RPF2: variants seen among roughly 807,000 people sequenced by gnomAD.
RPF2 encodes ribosome production factor 2 homolog.
In RPF2, 21 loss-of-function variants were observed where a neutral mutation model predicts 38.9. The observed-to-expected ratio is 0.54, with a 90% CI of 0.38 to 0.78. The LOEUF is 0.78. RPF2 is among the 30% of genes least tolerant of loss of function. The pLI, the probability that RPF2 is intolerant of heterozygous loss-of-function variation, is 0.00. For synonymous variants in RPF2, 121 were observed against 126.2 expected (o/e 0.96, Z 0.28); for missense variants, 314 against 358.1 (o/e 0.88, Z 0.99).
intron 1 of RPF2, among the ~76,000 whole-genome samples, chr6:110,983,968 G>A (rs1248366472): frequency 1.3e-5 from 2 of 152,136 alleles, no homozygotes; most frequent in African/African-American, 4.8e-5. Flanking sequence ...GACGGAGCTT[G>A]CAGTGAGCCG....
At chr6:111,024,636 C>A (rs1370703455) in intron 9 of RPF2, among the ~76,000 whole-genome samples, 1 of 147,326 alleles carries the variant, frequency 6.8e-6, no homozygotes, top group African/African-American at 2.5e-5. Flanking sequence ...TGGCGTGAAC[C>A]GGGGAGGTGG....
At chr6:111,010,117 T>A (rs1227741435) in intron 7 of RPF2, among the ~76,000 whole-genome samples, 1 of 149,930 alleles carries the variant, frequency 6.7e-6, no homozygotes, top group Non-Finnish European at 1.5e-5. Flanking sequence ...TCCCTCAATT[T>A]TTTTTTTTTT....
chr6:110,994,999 G>T (rs1771687981), intron 4 of RPF2, among the ~76,000 whole-genome samples: 1 of 151,908 alleles, frequency 6.6e-6, no homozygotes, highest in African/African-American at 2.4e-5. Flanking sequence ...CCACCTCCCG[G>T]GTTCAAGCGA....
intron 6 of RPF2, among the ~76,000 whole-genome samples, chr6:111,001,197 C>T (rs1240041819): frequency 1.3e-5 from 2 of 152,126 alleles, no homozygotes; most frequent in African/African-American, 4.8e-5. Context: ...TGTGACCTGA[C>T]AAGTCAATGG....
chr6:111,009,802 T>C (rs1771981328), intron 7 of RPF2, among the ~76,000 whole-genome samples: 1 of 151,998 alleles, frequency 6.6e-6, no homozygotes. Context: ...GCCTCCTAAG[T>C]AGCTGGGACC....
At chr6:110,988,547 C>T (rs963961302) in intron 2 of RPF2, among the ~76,000 whole-genome samples, 8 of 151,994 alleles carry the variant, frequency 5.3e-5, no homozygotes, top group African/African-American at 9.7e-5. Flanking sequence ...GTGATCCTCC[C>T]GCCTTAGCCT....
At chr6:110,991,141 T>A (rs1771612382) in intron 3 of RPF2, among the ~76,000 whole-genome samples, 1 of 152,132 alleles carries the variant, frequency 6.6e-6, no homozygotes, top group African/African-American at 2.4e-5. Context: ...ATCCTTTTTT[T>A]AAAAAATGCT....
chr6:110,985,303 C>T (rs2114286967), intron 2 of RPF2, among the ~76,000 whole-genome samples, 165 bp downstream of exon 2: 1 of 152,224 alleles, frequency 6.6e-6, no homozygotes, highest in South Asian at 2.1e-4. Context: ...TTGCGTGGCA[C>T]CTTTTCTTAA....
rs1305927687 is a variant in RPF2, at chr6:111,015,815, C to T, written c.555C>T (p.His185=). ...IRLAGLEYVL[H]FTALNGKIYF... is the part of the protein sequence containing the mutation. The stretch of plus-strand genomic sequence containing the variant: ...TGGCTGGATTAGAGTATGTTCTGCA[C>T]TTCACTGCACTGAATGGGAAGATTT... Residue 185 remains histidine, a synonymous_variant, in exon 8 of 10, where the codon CAC becomes CAT. Transcript: ENST00000441448. 1 of 1,613,084 alleles carries T rather than the reference C, an allele frequency of 6.2e-7. No individual in the cohort carries two copies. Among genetic ancestry groups the T allele is most frequent in the Non-Finnish European group, 8.5e-7 (1 of 1,179,058 alleles).
At chr6:110,994,831 A>G (rs1771685037) in intron 4 of RPF2, among the ~76,000 whole-genome samples, 1 of 151,634 alleles carries the variant, frequency 6.6e-6, no homozygotes, top group Non-Finnish European at 1.5e-5. Context: ...GAAAGCTTTG[A>G]GATGTTAGTC....
chr6:110,999,746 G>A lies in RPF2; in HGVS notation c.352G>A (p.Glu118Lys). 1.9e-6 allele frequency: 3 copies of A among 1,602,078 alleles called. No individual in the cohort carries two copies. The highest frequency in any genetic ancestry group is 2.6e-6 in the Non-Finnish European group (3 of 1,169,238). ...MYDYHVLDMI[E>K]LGIENFVSLK... Reference sequence around the variant, plus strand: ...TGACTACCATGTGCTGGATATGATTGAATTAGGTATTGAGAATTTTGTCTC... The same window carrying A: ...TGACTACCATGTGCTGGATATGATTAAATTAGGTATTGAGAATTTTGTCTC... Residue 118 changes from glutamate to lysine, a missense_variant, in exon 6 of 10, where the codon GAA (glutamate) becomes AAA (lysine). Coordinates refer to ENST00000441448, the MANE Select transcript of RPF2 (RefSeq NM_032194.3).
At chr6:111,024,434 C>A (rs750705006) in intron 9 of RPF2, 107 bp downstream of exon 9, 2 of 1,137,924 alleles carry the variant, frequency 1.8e-6, no homozygotes, top group African/African-American at 1.6e-5. Context: ...CAAGGACAGG[C>A]CAGGCGCGGT....
intron 1 of RPF2, among the ~76,000 whole-genome samples, chr6:110,984,487 G>A (rs1386258962): frequency 6.6e-6 from 1 of 151,950 alleles, no homozygotes; most frequent in Non-Finnish European, 1.5e-5. Context: ...TTTTTTAAAA[G>A]CTATCAAAAC....
chr6:110,985,935 CAA>C (rs71770271), intron 2 of RPF2, among the ~76,000 whole-genome samples: 4,128 of 104,464 alleles, frequency 0.04, 94 homozygotes, highest in South Asian at 0.13. Context: ...GACTCCATTT[CAA>C]AAAAAAAAAA....
rs375728957 is a variant in RPF2 at position 111,002,210 on chromosome 6, G to A, written c.393+2423G>A. Among the ~76,000 whole-genome samples the A allele has an allele frequency of 1.4e-4, 22 of 152,346 alleles. No homozygotes were observed. In the East Asian group the frequency reaches 2.5e-3, roughly 17 times the overall value. ...CATGAGAATCTCTTGAACCCAGGAG[G>A]TGGAGGTTGCAGTGAGCTGAGATCA... On this transcript the variant is annotated intron_variant, in intron 6 of 9. Transcript: ENST00000441448.
At chr6:110,986,648 T>A (rs1033666830) in intron 2 of RPF2, among the ~76,000 whole-genome samples, 1 of 152,126 alleles carries the variant, frequency 6.6e-6, no homozygotes, top group African/African-American at 2.4e-5. Flanking sequence ...ATATATGTAA[T>A]CTATGAAAGA....
chr6:111,015,095 G>C (rs1413847151), intron 7 of RPF2, among the ~76,000 whole-genome samples: 2 of 152,154 alleles, frequency 1.3e-5, no homozygotes, highest in African/African-American at 2.4e-5. Context: ...CTTTTTAAAA[G>C]GAAATTTTAT....
intron 8 of RPF2, among the ~76,000 whole-genome samples, chr6:111,018,416 G>A (rs1207498097): frequency 4.6e-5 from 7 of 152,212 alleles, no homozygotes; most frequent in Non-Finnish European, 8.8e-5. Context: ...TGGTGTTGCA[G>A]CCTGAGAGCT....
chr6:110,998,116 G>C (rs1257099085), intron 5 of RPF2, among the ~76,000 whole-genome samples: 2 of 152,126 alleles, frequency 1.3e-5, no homozygotes, highest in Admixed American at 1.3e-4. Context: ...TGTTGGCCAG[G>C]CTGGTCTTGA....
Sources: gnomAD v4.1 joint callset for allele counts (sites outside exome capture counted in the v4.1 genomes callset) on GRCh38, gnomAD v4.1.1 for gene constraint, MANE v1.5 for transcripts, NCBI Gene and HGNC (gene_info 2026-07-23, HGNC 2026-07-21) for gene names.